GALNTL6: variants seen among roughly 807,000 people sequenced by gnomAD.
The protein encoded by GALNTL6 is polypeptide N-acetylgalactosaminyltransferase like 6.
In GALNTL6, 46 loss-of-function variants were observed where a neutral mutation model predicts 73.7. That is an observed-to-expected ratio of 0.62 (90% CI 0.49 to 0.80). GALNTL6 has a LOEUF of 0.80. Ranked by LOEUF, GALNTL6 falls within the 30% of genes least tolerant of loss-of-function variation. The probability of loss-of-function intolerance (pLI) is 0.00; values close to 1 mark genes in which losing one functional copy is unlikely to be tolerated. For missense variants in GALNTL6, 604 were observed against 755.0 expected, an observed-to-expected ratio of 0.80 and a Z score of 2.34; for synonymous variants, 259 against 263.7, an observed-to-expected ratio of 0.98 and a Z score of 0.17.
intron 3 of GALNTL6, among the ~76,000 whole-genome samples, chr4:172,280,252 A>AT (rs976765110): frequency 2.0e-5 from 3 of 152,130 alleles, no homozygotes; most frequent in Non-Finnish European, 4.4e-5. Context: ...ACCACAAGTA[A>AT]TTTTTTTAAT....
chr4:172,550,307 C>T (rs1239215883), intron 5 of GALNTL6, among the ~76,000 whole-genome samples: 2 of 152,138 alleles, frequency 1.3e-5, no homozygotes, highest in Non-Finnish European at 2.9e-5. Context: ...TTCTCATACC[C>T]TCACCACAAA....
intron 5 of GALNTL6, among the ~76,000 whole-genome samples, chr4:172,377,138 A>C (rs1381028004): frequency 6.6e-6 from 1 of 152,074 alleles, no homozygotes; most frequent in Non-Finnish European, 1.5e-5. Flanking sequence ...CATCCTGTTG[A>C]TTGGTCCATT....
At chr4:172,209,314 C>T (rs544354232) in intron 2 of GALNTL6, among the ~76,000 whole-genome samples, 1 of 152,026 alleles carries the variant, frequency 6.6e-6, no homozygotes, top group Admixed American at 6.5e-5. Context: ...TATATGGTCA[C>T]TGCGAGATTG....
At chr4:172,492,947 G>T (rs1039222557) in intron 5 of GALNTL6, among the ~76,000 whole-genome samples, 10 of 152,156 alleles carry the variant, frequency 6.6e-5, no homozygotes, top group African/African-American at 2.4e-4. Context: ...GGTGGTAACA[G>T]TAACAAAGAG....
chr4:172,574,637 A>G (rs1189186432), intron 5 of GALNTL6, among the ~76,000 whole-genome samples: 1 of 151,812 alleles, frequency 6.6e-6, no homozygotes, highest in Non-Finnish European at 1.5e-5. Context: ...ACAACCAGCA[A>G]CAACTAATAA....
At chr4:172,024,322 T>C (rs1741490919) in intron 2 of GALNTL6, among the ~76,000 whole-genome samples, 1 of 151,784 alleles carries the variant, frequency 6.6e-6, no homozygotes, top group South Asian at 2.1e-4. Context: ...CTTTGTTTAA[T>C]ATATATATAC....
At chr4:172,637,736 G>T (rs1560849655) in intron 5 of GALNTL6, among the ~76,000 whole-genome samples, 1 of 151,958 alleles carries the variant, frequency 6.6e-6, no homozygotes, top group Non-Finnish European at 1.5e-5. Flanking sequence ...ATAACTTATT[G>T]GGTAAAGTTC....
intron 4 of GALNTL6, among the ~76,000 whole-genome samples, chr4:172,330,655 G>A (rs898505794): frequency 1.6e-4 from 24 of 152,132 alleles, no homozygotes; most frequent in Non-Finnish European, 3.1e-4. Flanking sequence ...AATTTTGATA[G>A]GAAGTAGTAT....
intron 5 of GALNTL6, among the ~76,000 whole-genome samples, chr4:172,632,397 G>A (rs1251788036): frequency 3.9e-5 from 6 of 152,156 alleles, no homozygotes; most frequent in Admixed American, 6.5e-5. Context: ...AATCTAGGTT[G>A]AGGCGGTCTA....
rs1158114563 is a variant in GALNTL6 at position 171,907,634 on chromosome 4, G to GA, written c.138+92922dup. 2.6e-5 allele frequency among the ~76,000 whole-genome samples: 4 copies of GA among 151,918 alleles called. No individual in the cohort carries two copies. The East Asian group carries it at 7.7e-4, about 29-fold the overall frequency. On this transcript the variant is annotated intron_variant, in intron 2 of 12. Coordinates refer to ENST00000506823, the MANE Select transcript of GALNTL6 (RefSeq NM_001034845.3). ...ACCAATGACTTTCTTCATAGAATTG[G>GA]AAAAAACTACTTTAAAGTTCATATG...
intron 5 of GALNTL6, among the ~76,000 whole-genome samples, chr4:172,792,329 A>G (rs1236200296): frequency 1.9e-5 from 1 of 52,214 alleles, no homozygotes; most frequent in East Asian, 7.9e-4. Flanking sequence ...ATATATGCAT[A>G]TATGTATATA....
intron 5 of GALNTL6, among the ~76,000 whole-genome samples, chr4:172,700,927 C>A (rs1733991545): frequency 6.6e-6 from 1 of 151,992 alleles, no homozygotes; most frequent in African/African-American, 2.4e-5. Flanking sequence ...GTCTGTTAAC[C>A]CCGTTTATTT....
At chr4:172,310,164 G>T (rs529740267) in intron 3 of GALNTL6, among the ~76,000 whole-genome samples, 1 of 152,082 alleles carries the variant, frequency 6.6e-6, no homozygotes. Flanking sequence ...TGCAAGCATT[G>T]GCATAGCAGT....
intron 2 of GALNTL6, among the ~76,000 whole-genome samples, chr4:172,123,040 G>A (rs548020228): frequency 2.6e-5 from 4 of 152,244 alleles, no homozygotes; most frequent in African/African-American, 9.6e-5. Context: ...AATCTCAGAT[G>A]GAAAAATCTT....
chr4:171,948,066 C>T (rs1162535530), intron 2 of GALNTL6, among the ~76,000 whole-genome samples: 13 of 152,100 alleles, frequency 8.5e-5, no homozygotes, highest in Non-Finnish European at 1.5e-5. Context: ...GGGGGGAATA[C>T]TGTAATATCT....
At chr4:172,567,037 A>C (rs1736579204) in intron 5 of GALNTL6, among the ~76,000 whole-genome samples, 1 of 152,178 alleles carries the variant, frequency 6.6e-6, no homozygotes, top group Non-Finnish European at 1.5e-5. Context: ...AAAAAAAAAA[A>C]AAAGAATTCT....
intron 2 of GALNTL6, among the ~76,000 whole-genome samples, chr4:171,843,269 C>T (rs1283735474): frequency 6.6e-6 from 1 of 151,898 alleles, no homozygotes; most frequent in African/African-American, 2.4e-5. Context: ...AAGTAAAATA[C>T]ACCACAAACA....
At chr4:172,598,781 T>C (rs1317383442) in intron 5 of GALNTL6, among the ~76,000 whole-genome samples, 1 of 152,212 alleles carries the variant, frequency 6.6e-6, no homozygotes, top group African/African-American at 2.4e-5. Flanking sequence ...TAAAATATTT[T>C]GTGAGACTTG....
chr4:172,203,624 A>C lies in GALNTL6; in HGVS notation c.139-26032A>C, dbSNP rs557139492. On this transcript the variant is annotated intron_variant, in intron 2 of 12. Transcript: ENST00000506823. Reference sequence around the variant, plus strand: ...TTCAAATATATTACATCATTTTCCCAAGACTTTATTGCTAATATGTGGCTT... The same window carrying C: ...TTCAAATATATTACATCATTTTCCCCAGACTTTATTGCTAATATGTGGCTT... Among the ~76,000 whole-genome samples the C allele has an allele frequency of 3.3e-5, 5 of 152,254 alleles. No homozygotes were observed. In the South Asian group the frequency reaches 8.3e-4, roughly 25 times the overall value.
Sources: allele counts gnomAD v4.1 joint callset (sites outside exome capture counted in the v4.1 genomes callset), GRCh38; gene constraint gnomAD v4.1.1; transcripts MANE v1.5; gene names NCBI Gene and HGNC (gene_info 2026-07-23, HGNC 2026-07-21).